The following KIRREL3 variants were observed in gnomAD, a reference collection of about 807,000 sequenced individuals.
KIRREL3 encodes the protein kin of IRRE-like protein 3.
Under a neutral mutation model 89.7 loss-of-function variants are expected in KIRREL3, and 36 were observed. The ratio of observed to expected loss-of-function variants is 0.40; its 90% confidence interval spans 0.31 to 0.53. KIRREL3 has a LOEUF of 0.53. Ranked by LOEUF, KIRREL3 falls within the 20% of genes least tolerant of loss-of-function variation. The pLI, the probability that KIRREL3 is intolerant of heterozygous loss-of-function variation, is 0.49. For synonymous variants in KIRREL3, 445 were observed against 441.4 expected, an observed-to-expected ratio of 1.01 and a Z score of -0.10; for missense variants, 864 against 1,056.6, an observed-to-expected ratio of 0.82 and a Z score of 2.53.
At position 126,645,614 on chromosome 11, in the gene KIRREL3, G is replaced by A. The variant is rs146667074; in HGVS notation, c.56-82702C>T. ...CTAAATGGAAGCATCATGGCACGAGGTGAAATTCTAGGTTTCTGAAGAAGA... is the reference window on the plus strand; with the variant it reads ...CTAAATGGAAGCATCATGGCACGAGATGAAATTCTAGGTTTCTGAAGAAGA... On this transcript the variant is annotated intron_variant, in intron 1 of 16. Coordinates refer to ENST00000525144, the MANE Select transcript of KIRREL3 (RefSeq NM_032531.4). The surrounding 1 kb of genome is among the most constrained non-coding windows in gnomAD (Gnocchi z 4.9). Among the ~76,000 whole-genome samples, 4 of 152,186 alleles carry A rather than the reference G, an allele frequency of 2.6e-5. No individual in the cohort carries two copies. The highest frequency in any genetic ancestry group is 9.7e-5 in the African/African-American group (4 of 41,434).
rs966410598 is a variant in KIRREL3, at chr11:126,705,700, T to C, written c.56-142788A>G. Among the ~76,000 whole-genome samples the C allele has an allele frequency of 6.6e-6, 1 of 152,218 alleles. No individual in the cohort carries two copies. Among genetic ancestry groups the C allele is most frequent in the African/African-American group, 2.4e-5 (1 of 41,450 alleles). On this transcript the variant is annotated intron_variant, in intron 1 of 16. Coordinates refer to ENST00000525144, the MANE Select transcript of KIRREL3 (RefSeq NM_032531.4). This position sits in a 1 kb window ranked among gnomAD's most constrained non-coding sequence, Gnocchi z 4.3. ...TATATGTAATGTATACCTATGTGTA[T>C]GTGCATAAATGGAAAATGCACTGTG...
intron 1 of KIRREL3, among the ~76,000 whole-genome samples, chr11:126,692,190 A>C (rs1946902124): frequency 6.6e-6 from 1 of 152,170 alleles, no homozygotes. Flanking sequence ...GAAACATTAA[A>C]AGCAGGGTGT....
intron 13 of KIRREL3, 133 bp downstream of exon 13, chr11:126,435,135 C>T (rs1955271441): frequency 2.1e-6 from 2 of 945,714 alleles, no homozygotes; most frequent in East Asian, 2.5e-5. Context: ...TACACTAAAC[C>T]CTCAGGACGG....
Position 126,656,212 on chromosome 11 carries a change from A to AGAT in KIRREL3, c.56-93301_56-93300insATC, listed in dbSNP as rs1565624679. 8.8e-6 allele frequency: 4 copies of AGAT among 455,802 alleles called. No homozygotes were observed. Among genetic ancestry groups the AGAT allele is most frequent in the Non-Finnish European group, 1.8e-5 (4 of 226,740 alleles). The allele number at this position is 455,802 out of a possible 1,614,324, so 28.2% of individuals were successfully genotyped here. A position where few individuals can be genotyped will look rare whatever the true frequency, so the allele number is the denominator to read the frequency against. ...GAGGGCTACAGAGTTAGGACTCCGA[A>AGAT]GTCAGAAAGATGCCTGTTGGTTCTG... On this transcript the variant is annotated intron_variant, in intron 1 of 16. Coordinates refer to ENST00000525144, the MANE Select transcript of KIRREL3 (RefSeq NM_032531.4). The surrounding 1 kb of genome is among the most constrained non-coding windows in gnomAD (Gnocchi z 4.0).
chr11:126,863,838 C>T (rs1276362966), intron 1 of KIRREL3, among the ~76,000 whole-genome samples: 2 of 152,140 alleles, frequency 1.3e-5, no homozygotes, highest in South Asian at 2.1e-4. Context: ...ATTCCTCTGC[C>T]CTGCCTCCCT....
rs1383757124 is a variant in KIRREL3 at position 126,669,495 on chromosome 11, T to A, written c.56-106583A>T. 6.6e-6 allele frequency among the ~76,000 whole-genome samples: 1 copy of A among 152,262 alleles called. No individual in the cohort carries two copies. The highest frequency in any genetic ancestry group is 1.5e-5 in the Non-Finnish European group (1 of 68,048). ...AATATCTATGTATTTAAGGGCTTAA[T>A]CATGGGCGGTTAGATTTTTAACTTC... On this transcript the variant is annotated intron_variant, in intron 1 of 16. Coordinates refer to ENST00000525144, the MANE Select transcript of KIRREL3 (RefSeq NM_032531.4). This position sits in a 1 kb window ranked among gnomAD's most constrained non-coding sequence, Gnocchi z 5.0.
Position 126,696,260 on chromosome 11 carries a change from T to TAAAAAAAAAAAAA in KIRREL3, c.56-133361_56-133349dup, listed in dbSNP as rs569075769. On this transcript the variant is annotated intron_variant, in intron 1 of 16. Coordinates refer to ENST00000525144, the MANE Select transcript of KIRREL3 (RefSeq NM_032531.4). The surrounding 1 kb of genome is among the most constrained non-coding windows in gnomAD (Gnocchi z 4.4). ...CCACTGAGCGAGACTCTATCTCAAT[T>TAAAAAAAAAAAAA]AAAAAAAAAAAAAAAAGCCTGGATG... is the stretch of plus-strand genomic sequence containing the variant. 7.7e-6 allele frequency among the ~76,000 whole-genome samples: 1 copy of TAAAAAAAAAAAAA among 130,690 alleles called. No individual in the cohort carries two copies. Among genetic ancestry groups the TAAAAAAAAAAAAA allele is most frequent in the African/African-American group, 2.8e-5 (1 of 35,374 alleles). The allele number at this position is 130,690 out of a possible 152,430, so 85.7% of individuals were successfully genotyped here.
Position 127,000,317 on chromosome 11 carries a change from A to G in KIRREL3, c.55+138T>C. On this transcript the variant is annotated intron_variant, in intron 1 of 16. Coordinates refer to ENST00000525144, the MANE Select transcript of KIRREL3 (RefSeq NM_032531.4). The surrounding 1 kb of genome is among the most constrained non-coding windows in gnomAD (Gnocchi z 7.1). ...TTCGCAAAGGCGAAGAGGCAATGCC[A>G]GAGCATCTCAGCCCGGCACCGAGAG... is the stretch of plus-strand genomic sequence containing the variant. 1.5e-6 allele frequency: 1 copy of G among 648,604 alleles called. No individual in the cohort carries two copies. The highest frequency in any genetic ancestry group is 2.6e-6 in the Non-Finnish European group (1 of 380,352). The allele number at this position is 648,604 out of a possible 1,614,324, so 40.2% of individuals were successfully genotyped here.
rs1001941683 is a variant in KIRREL3 at position 126,710,391 on chromosome 11, C to T, written c.56-147479G>A. Among the ~76,000 whole-genome samples, 1 of 152,186 alleles carries T rather than the reference C, an allele frequency of 6.6e-6. No individual in the cohort carries two copies. Among genetic ancestry groups the T allele is most frequent in the African/African-American group, 2.4e-5 (1 of 41,448 alleles). ...CTCTCCTCTTCCTGTTGAAGTTCAG[C>T]GTGGTTCTGGAAGTACCTGAGTGGG... On this transcript the variant is annotated intron_variant, in intron 1 of 16. Coordinates refer to ENST00000525144, the MANE Select transcript of KIRREL3 (RefSeq NM_032531.4). The surrounding 1 kb of genome is among the most constrained non-coding windows in gnomAD (Gnocchi z 4.2).
intron 1 of KIRREL3, among the ~76,000 whole-genome samples, chr11:126,902,174 G>C (rs564290000): frequency 2.2e-4 from 34 of 152,316 alleles, no homozygotes; most frequent in African/African-American, 7.2e-4. Context: ...ACAGGGCTTT[G>C]GGGCTACTTG....
In KIRREL3 at chr11:126,908,594, T is replaced by C. The variant is rs566316305; in HGVS notation, c.55+91861A>G. 4.6e-5 allele frequency among the ~76,000 whole-genome samples: 7 copies of C among 152,292 alleles called. No individual in the cohort carries two copies. The East Asian group carries it at 1.2e-3, about 25-fold the overall frequency. On this transcript the variant is annotated intron_variant, in intron 1 of 16. Transcript: ENST00000525144. This position sits in a 1 kb window ranked among gnomAD's most constrained non-coding sequence, Gnocchi z 4.2. ...GTTCTAGAAACACTGGCTATTACTA[T>C]TGGTATTATCAAGAAAACTGAAAGT...
intron 2 of KIRREL3, among the ~76,000 whole-genome samples, chr11:126,534,292 A>G (rs572880871): frequency 6.6e-6 from 1 of 152,270 alleles, no homozygotes; most frequent in African/African-American, 2.4e-5. Context: ...TCCCGGGCCA[A>G]TGAGGGCTGG....
At chr11:126,947,453 C>T (rs1013884286) in intron 1 of KIRREL3, among the ~76,000 whole-genome samples, 1 of 152,206 alleles carries the variant, frequency 6.6e-6, no homozygotes, top group Non-Finnish European at 1.5e-5. Context: ...GACCAACTTT[C>T]AATGAAGCTG....
intron 2 of KIRREL3, among the ~76,000 whole-genome samples, chr11:126,536,999 A>G (rs1591699133): frequency 6.6e-6 from 1 of 152,030 alleles, no homozygotes; most frequent in Non-Finnish European, 1.5e-5. Context: ...GGCAGGCAGG[A>G]GGTGGCTCAA....
intron 9 of KIRREL3, among the ~76,000 whole-genome samples, 158 bp from the exon 10 acceptor site, chr11:126,445,263 T>G (rs947595424): frequency 6.6e-6 from 1 of 152,208 alleles, no homozygotes; most frequent in Non-Finnish European, 1.5e-5. Flanking sequence ...AAAAGTTTCC[T>G]GGCCCAGACA....
intron 1 of KIRREL3, among the ~76,000 whole-genome samples, chr11:126,717,636 C>T (rs558928015): frequency 2.0e-5 from 3 of 152,274 alleles, no homozygotes; most frequent in Non-Finnish European, 2.9e-5. Flanking sequence ...TAGTGGTTCT[C>T]GTCTGTTTTA....
intron 7 of KIRREL3, among the ~76,000 whole-genome samples, chr11:126,450,549 G>A (rs1246766458): frequency 1.3e-5 from 2 of 151,424 alleles, no homozygotes; most frequent in Non-Finnish European, 3.0e-5. Context: ...GTGTGTCAAT[G>A]TGCATGTGTG....
Position 126,544,099 on chromosome 11 carries a change from G to T in KIRREL3, c.134-17412C>A, listed in dbSNP as rs1938593422. 6.6e-6 allele frequency: 1 copy of T among 152,270 alleles called. No individual in the cohort carries two copies. The highest frequency in any genetic ancestry group is 2.1e-4 in the South Asian group (1 of 4,832). The allele number at this position is 152,270 out of a possible 1,614,324, so 9.4% of individuals were successfully genotyped here. On this transcript the variant is annotated intron_variant, in intron 2 of 16. Transcript: ENST00000525144. This position sits in a 1 kb window ranked among gnomAD's most constrained non-coding sequence, Gnocchi z 5.6. ...TGGAGTGCCCCTGGAGGTGGCGACA[G>T]CTCCTCTAATAAGAGAGTTACTCAT...
rs1001328450 is a variant in KIRREL3 at position 126,508,513 on chromosome 11, C to G, written c.433+12802G>C. Among the ~76,000 whole-genome samples the G allele has an allele frequency of 2.0e-5, 3 of 152,104 alleles. No homozygotes were observed. The highest frequency in any genetic ancestry group is 7.2e-5 in the African/African-American group (3 of 41,404). ...CTTGGGTTTGCTCTTCGAGCCGACT[C>G]CCCGATTCCATGAGCCCTGGGATGG... is the stretch of plus-strand genomic sequence containing the variant. On this transcript the variant is annotated intron_variant, in intron 4 of 16. Coordinates refer to ENST00000525144, the MANE Select transcript of KIRREL3 (RefSeq NM_032531.4). This position sits in a 1 kb window ranked among gnomAD's most constrained non-coding sequence, Gnocchi z 4.9.
Sources: gnomAD v4.1 joint callset for allele counts (sites outside exome capture counted in the v4.1 genomes callset) on GRCh38, gnomAD v4.1.1 for gene constraint, Gnocchi (gnomAD v3.1) non-coding constraint, MANE v1.5 for transcripts, NCBI Gene and HGNC (gene_info 2026-07-23, HGNC 2026-07-21) for gene names.